CUX2: variants seen among roughly 807,000 people sequenced by gnomAD.
The protein encoded by CUX2 is homeobox protein cut-like 2.
CUX2 carries 40 observed loss-of-function variants against 144.8 expected under a neutral mutation model. The ratio of observed to expected loss-of-function variants is 0.28; its 90% CI spans 0.21 to 0.36. CUX2 has a LOEUF of 0.36. Ranked by LOEUF, CUX2 falls within the 10% of genes least tolerant of loss-of-function variation. The probability of loss-of-function intolerance (pLI) is 1.00; values close to 1 mark genes in which losing one functional copy is unlikely to be tolerated. For missense variants in CUX2, 1,615 were observed against 1,994.0 expected, an observed-to-expected ratio of 0.81 and a Z score of 3.62; for synonymous variants, 827 against 875.6, an observed-to-expected ratio of 0.94 and a Z score of 0.98.
rs563043385 is a variant in CUX2 at position 111,098,242 on chromosome 12, C to A, written c.63+64002C>A. On this transcript the variant is annotated intron_variant, in intron 1 of 21. Transcript: ENST00000261726. ...TGGCAAAACCCTGTCTCTACTAAAA[C>A]TATAAAAATTAACCGGGTGTGGTGG... is the stretch of plus-strand genomic sequence containing the variant. Among the ~76,000 whole-genome samples, 6 of 152,132 alleles carry A rather than the reference C, an allele frequency of 3.9e-5. No homozygotes were observed. In the South Asian group the frequency reaches 8.3e-4, roughly 21 times the overall value.
intron 6 of CUX2, among the ~76,000 whole-genome samples, chr12:111,294,471 T>C (rs1266144336): frequency 6.6e-6 from 1 of 150,792 alleles, no homozygotes; most frequent in Non-Finnish European, 1.5e-5. Context: ...CCCAGCTACA[T>C]GTGAGGCTGA....
chr12:111,223,740 T>C (rs1167011030), intron 3 of CUX2, among the ~76,000 whole-genome samples: 1 of 152,192 alleles, frequency 6.6e-6, no homozygotes, highest in Non-Finnish European at 1.5e-5. Context: ...AGCCGTCAGA[T>C]GACTGCAGCC....
At chr12:111,321,413 G>A (rs750330650) in intron 17 of CUX2, among the ~76,000 whole-genome samples, 15 of 151,922 alleles carry the variant, frequency 9.9e-5, no homozygotes, top group South Asian at 2.1e-4. Context: ...GGGTTGCAGC[G>A]AGCCAAGATC....
At chr12:111,115,687 G>A (rs1211389441) in intron 1 of CUX2, among the ~76,000 whole-genome samples, 1 of 152,054 alleles carries the variant, frequency 6.6e-6, no homozygotes, top group African/African-American at 2.4e-5. Context: ...TTCTCAAGGA[G>A]GTCTTTGTTA....
intron 19 of CUX2, among the ~76,000 whole-genome samples, chr12:111,337,788 C>T (rs1032494632): frequency 6.6e-6 from 1 of 152,206 alleles, no homozygotes; most frequent in Non-Finnish European, 1.5e-5. Context: ...GTAATTGCAG[C>T]ACTTTGGGAG....
intron 1 of CUX2, among the ~76,000 whole-genome samples, chr12:111,203,706 G>A (rs1194709113): frequency 6.6e-6 from 1 of 152,064 alleles, no homozygotes; most frequent in African/African-American, 2.4e-5. Flanking sequence ...AGCAGAGGAG[G>A]AACAGGATAT....
chr12:111,069,549 T>TGTGTGTGTGC (rs1555266249), intron 1 of CUX2, among the ~76,000 whole-genome samples: 5 of 150,326 alleles, frequency 3.3e-5, no homozygotes, highest in African/African-American at 1.2e-4. Context: ...TGTGTGTGTG[T>TGTGTGTGTGC]GTGCGCGCGC....
chr12:111,229,973 C>G (rs1214554674), intron 3 of CUX2, among the ~76,000 whole-genome samples: 1 of 148,814 alleles, frequency 6.7e-6, no homozygotes, highest in Admixed American at 6.7e-5. Context: ...GAGATCGTGC[C>G]ACTGCACTCC....
At chr12:111,138,091 C>T (rs1474897704) in intron 1 of CUX2, among the ~76,000 whole-genome samples, 2 of 152,190 alleles carry the variant, frequency 1.3e-5, no homozygotes, top group Non-Finnish European at 2.9e-5. Flanking sequence ...ACTCCCATCC[C>T]CTTTACCCCT....
chr12:111,085,946 T>C (rs1872190270), intron 1 of CUX2, among the ~76,000 whole-genome samples: 1 of 152,312 alleles, frequency 6.6e-6, no homozygotes, highest in Middle Eastern at 3.4e-3. Flanking sequence ...TTATTATTGG[T>C]TTGGGAAATG....
chr12:111,168,021 G>C (rs562191162), intron 1 of CUX2, among the ~76,000 whole-genome samples: 2 of 152,216 alleles, frequency 1.3e-5, no homozygotes, highest in East Asian at 3.9e-4. Flanking sequence ...CCATTTTACA[G>C]AGGAGGAAAC....
At chr12:111,317,407 C>CATATAT (rs60528105) in intron 16 of CUX2, among the ~76,000 whole-genome samples, 2 of 151,588 alleles carry the variant, frequency 1.3e-5, no homozygotes, top group African/African-American at 4.9e-5. Context: ...TACACACGTG[C>CATATAT]ATATATATAT....
chr12:111,306,886 A>T, intron 10 of CUX2, 35 bp from the exon 11 acceptor site: 2 of 1,536,714 alleles, frequency 1.3e-6, no homozygotes, highest in Non-Finnish European at 1.8e-6. Context: ...CCCATCCCTC[A>T]CCTCTCAGCC....
At chr12:111,048,717 G>T (rs1046909654) in intron 1 of CUX2, among the ~76,000 whole-genome samples, 9 of 152,134 alleles carry the variant, frequency 5.9e-5, no homozygotes, top group African/African-American at 1.9e-4. Flanking sequence ...CTAAGACGGC[G>T]TGGCTGTAGA....
intron 18 of CUX2, among the ~76,000 whole-genome samples, chr12:111,323,326 A>AT (rs1887627708): frequency 6.6e-6 from 1 of 152,104 alleles, no homozygotes; most frequent in Non-Finnish European, 1.5e-5. Context: ...AGGTTCACAG[A>AT]AACGAGCCAG....
rs192669604 is a variant in CUX2, at chr12:111,326,643, C to G, written c.2926+4063C>G. ...TAACAGCTGGGCACCGTGGCTCACACCTGTAATCCCAGCACTTTGGGAGGC... is the reference window on the plus strand; with the variant it reads ...TAACAGCTGGGCACCGTGGCTCACAGCTGTAATCCCAGCACTTTGGGAGGC... On this transcript the variant is annotated intron_variant, in intron 18 of 21. Coordinates refer to ENST00000261726, the MANE Select transcript of CUX2 (RefSeq NM_015267.4). Among the ~76,000 whole-genome samples, 770 of 152,080 alleles carry G rather than the reference C, an allele frequency of 5.1e-3. 7 individuals are homozygous for G. Among genetic ancestry groups the G allele is most frequent in the African/African-American group, 0.018 (736 of 41,448 alleles).
chr12:111,197,307 T>C (rs892292507), intron 1 of CUX2, among the ~76,000 whole-genome samples: 8 of 152,180 alleles, frequency 5.3e-5, no homozygotes, highest in African/African-American at 1.9e-4. Flanking sequence ...ATCTTTATTG[T>C]TGGTACTATT....
intron 1 of CUX2, among the ~76,000 whole-genome samples, chr12:111,126,054 G>A (rs1025001854): frequency 7.5e-6 from 1 of 133,266 alleles, no homozygotes; most frequent in East Asian, 1.9e-4. Context: ...TGGGGGGGGC[G>A]GATTTATTAT....
At position 111,311,603 on chromosome 12, in the gene CUX2, AT is replaced by A. The variant is rs369788655; in HGVS notation, c.1901-484del. Among the ~76,000 whole-genome samples, 190 of 130,934 alleles carry A rather than the reference AT, an allele frequency of 1.5e-3. 2 individuals carry two copies. Among genetic ancestry groups the A allele is most frequent in the Admixed American group, 2.3e-3 (29 of 12,872 alleles). The allele number at this position is 130,934 out of a possible 152,430, so 85.9% of individuals were successfully genotyped here. A position where few individuals can be genotyped will look rare whatever the true frequency, so the allele number is the denominator to read the frequency against. ...TGTACCCTATTTCTTTATTATTATT[AT>A]TTTTTTTTTTTTGAGACGGAGTCTT... On this transcript the variant is annotated intron_variant, in intron 15 of 21. Coordinates refer to ENST00000261726, the MANE Select transcript of CUX2 (RefSeq NM_015267.4).
Sources: gnomAD v4.1 joint callset for allele counts (sites outside exome capture counted in the v4.1 genomes callset) on GRCh38, gnomAD v4.1.1 for gene constraint, MANE v1.5 for transcripts, NCBI Gene and HGNC (gene_info 2026-07-23, HGNC 2026-07-21) for gene names.